The following ADGRL2 variants were observed in gnomAD, a reference collection of about 807,000 sequenced individuals.
ADGRL2 encodes calcium-independent alpha-latrotoxin receptor 2.
A neutral mutation model predicts 157.4 loss-of-function variants in ADGRL2; 44 were observed. That is an observed-to-expected ratio of 0.28 (90% CI 0.22 to 0.36). The LOEUF (loss-of-function observed/expected upper bound fraction) is 0.36. Among genes scored for constraint, ADGRL2 ranks in the 10% least tolerant of loss-of-function variants. ADGRL2 has a pLI of 1.00. For missense variants in ADGRL2, 1,510 were observed against 1,768.9 expected, an observed-to-expected ratio of 0.85 and a Z score of 2.63; for synonymous variants, 585 against 624.7, an observed-to-expected ratio of 0.94 and a Z score of 0.95.
chr1:81,334,930 C>T (rs1263658360), intron 1 of ADGRL2, among the ~76,000 whole-genome samples: 1 of 152,124 alleles, frequency 6.6e-6, no homozygotes, highest in East Asian at 1.9e-4. Context: ...GTAAAGGTGT[C>T]TTTGGTGTTG....
chr1:81,853,134 T>G (rs750353690), intron 2 of ADGRL2, among the ~76,000 whole-genome samples: 1 of 152,130 alleles, frequency 6.6e-6, no homozygotes, highest in Non-Finnish European at 1.5e-5. Context: ...CTGTTTCAAA[T>G]TGACAGGCAG....
intron 1 of ADGRL2, among the ~76,000 whole-genome samples, chr1:81,414,979 C>T (rs1288768020): frequency 6.6e-6 from 1 of 152,154 alleles, no homozygotes; most frequent in Non-Finnish European, 1.5e-5. Context: ...ACCTGCATCT[C>T]TGTGATTTCT....
chr1:81,315,319 T>A (rs1660030829), intron 1 of ADGRL2, among the ~76,000 whole-genome samples: 1 of 152,000 alleles, frequency 6.6e-6, no homozygotes, highest in African/African-American at 2.4e-5. Context: ...AGGGGTGACC[T>A]GATTCTTTGC....
At position 81,722,947 on chromosome 1, in the gene ADGRL2, T is replaced by C. The variant is rs554248047; in HGVS notation, c.-143+23139T>C. On this transcript the variant is annotated intron_variant, in intron 1 of 20. Coordinates refer to the ADGRL2 transcript ENST00000359929. ...TAGAGGTTCTTGCAGACATGCAGGA[T>C]CCAGAAGTTATGGTGGCCTTCCAGG... 6 of 763,516 alleles carry C rather than the reference T, an allele frequency of 7.9e-6. No homozygotes were observed. The East Asian group carries it at 1.5e-4, about 19-fold the overall frequency. The allele number at this position is 763,516 out of a possible 1,614,324, so 47.3% of individuals were successfully genotyped here. A position where few individuals can be genotyped will look rare whatever the true frequency, so the allele number is the denominator to read the frequency against.
chr1:81,770,721 C>A (rs184597564), intron 2 of ADGRL2, among the ~76,000 whole-genome samples: 2,597 of 150,510 alleles, frequency 0.017, 37 homozygotes, highest in Non-Finnish European at 0.024. Context: ...GATCCACCCG[C>A]CTCGGCCTCC....
rs192915353 is a variant in ADGRL2 at position 81,937,716 on chromosome 1, A to T, written c.397+879A>T. Among the ~76,000 whole-genome samples the T allele has an allele frequency of 5.4e-3, 822 of 151,890 alleles. 12 individuals carry two copies. Among genetic ancestry groups the T allele is most frequent in the African/African-American group, 0.019 (774 of 41,524 alleles). The stretch of plus-strand genomic sequence containing the variant: ...TGGGCGTTTGAATTATATGTTTTTT[A>T]TCAGCAATTTTGCTGATTTGAGACA... On this transcript the variant is annotated intron_variant, in intron 4 of 23. Coordinates refer to ENST00000686636, the MANE Select transcript of ADGRL2 (RefSeq NM_001366006.2).
chr1:81,937,548 C>G lies in ADGRL2; in HGVS notation c.397+711C>G, dbSNP rs1239901375. Among the ~76,000 whole-genome samples, 4 of 151,726 alleles carry G rather than the reference C, an allele frequency of 2.6e-5. No homozygotes were observed. The Admixed American group carries it at 2.6e-4, about 10-fold the overall frequency. ...ACTTCAAAATTGTATTCTATACTTTCAGTTTTAAAAATCTTAGCATTTTAG... is the reference window on the plus strand; with the variant it reads ...ACTTCAAAATTGTATTCTATACTTTGAGTTTTAAAAATCTTAGCATTTTAG... On this transcript the variant is annotated intron_variant, in intron 4 of 23. Coordinates refer to ENST00000686636, the MANE Select transcript of ADGRL2 (RefSeq NM_001366006.2).
At chr1:81,545,138 T>G (rs1396360040) in intron 2 of ADGRL2, among the ~76,000 whole-genome samples, 1 of 152,178 alleles carries the variant, frequency 6.6e-6, no homozygotes, top group East Asian at 1.9e-4. Flanking sequence ...TTATAATCTC[T>G]AAATAATCTC....
At chr1:81,789,260 A>C (rs1002043815) in intron 2 of ADGRL2, among the ~76,000 whole-genome samples, 12 of 152,322 alleles carry the variant, frequency 7.9e-5, no homozygotes, top group Admixed American at 2.0e-4. Flanking sequence ...GAAGAGAACA[A>C]GTAAACCAAC....
At chr1:81,313,048 A>G (rs1288854788) in intron 1 of ADGRL2, among the ~76,000 whole-genome samples, 1 of 152,196 alleles carries the variant, frequency 6.6e-6, no homozygotes, top group African/African-American at 2.4e-5. Flanking sequence ...TGTCTGCTAC[A>G]TGCCCAAAAC....
At chr1:81,427,200 G>T in intron 1 of ADGRL2, 1 of 833,018 alleles carries the variant, frequency 1.2e-6, no homozygotes, top group Non-Finnish European at 2.1e-6. Context: ...TTTGGCCATG[G>T]TGGCAACTTT....
At position 81,534,000 on chromosome 1, in the gene ADGRL2, T is replaced by C. The variant is rs867600573; in HGVS notation, c.-247-46876T>C. Among the ~76,000 whole-genome samples, 16 of 152,320 alleles carry C rather than the reference T, an allele frequency of 1.1e-4. No homozygotes were observed. In the South Asian group the frequency reaches 2.9e-3, roughly 28 times the overall value. On this transcript the variant is annotated intron_variant, in intron 2 of 24. Coordinates refer to the ADGRL2 transcript ENST00000370721. ...CAGACAAAGCCTCACTATGAACATA[T>C]GAGGACAATCTCCTTTTCTAGACTA...
intron 1 of ADGRL2, among the ~76,000 whole-genome samples, chr1:81,808,171 G>T (rs2089408106): frequency 6.6e-6 from 1 of 151,886 alleles, no homozygotes. Context: ...AAGTAATATA[G>T]TTTGTCTTCA....
intron 2 of ADGRL2, among the ~76,000 whole-genome samples, chr1:81,790,726 T>G (rs540977567): frequency 6.6e-6 from 1 of 152,328 alleles, no homozygotes; most frequent in Admixed American, 6.5e-5. Flanking sequence ...AAAAGGTCAC[T>G]GTTCTTCAAA....
chr1:81,403,941 G>T (rs548217512), intron 1 of ADGRL2, among the ~76,000 whole-genome samples: 1 of 152,002 alleles, frequency 6.6e-6, no homozygotes, highest in South Asian at 2.1e-4. Flanking sequence ...GGGACTACAG[G>T]TGCGCACCAC....
At chr1:81,617,119 T>C (rs2081673191) in intron 3 of ADGRL2, among the ~76,000 whole-genome samples, 1 of 152,262 alleles carries the variant, frequency 6.6e-6, no homozygotes, top group Admixed American at 6.5e-5. Flanking sequence ...CTGAGGCCTA[T>C]TAGGAACCTG....
intron 1 of ADGRL2, among the ~76,000 whole-genome samples, chr1:81,823,674 G>A (rs924555298): frequency 5.5e-4 from 84 of 151,992 alleles, no homozygotes; most frequent in African/African-American, 1.9e-3. Flanking sequence ...TGTGGTGGAG[G>A]TTTAGGGAAC....
chr1:81,571,168 T>C (rs766438434), intron 2 of ADGRL2, among the ~76,000 whole-genome samples: 7 of 151,596 alleles, frequency 4.6e-5, no homozygotes, highest in Non-Finnish European at 7.4e-5. Flanking sequence ...CTACTATAAA[T>C]ACAAAAATTA....
intron 1 of ADGRL2, among the ~76,000 whole-genome samples, chr1:81,394,431 T>A (rs1262640568): frequency 6.6e-6 from 1 of 152,192 alleles, no homozygotes; most frequent in Non-Finnish European, 1.5e-5. Flanking sequence ...TCAACTCTTT[T>A]GGCTTCTTCA....
Sources: allele counts gnomAD v4.1 joint callset (sites outside exome capture counted in the v4.1 genomes callset), GRCh38; gene constraint gnomAD v4.1.1; transcripts MANE v1.5; gene names NCBI Gene and HGNC (gene_info 2026-07-23, HGNC 2026-07-21).